Variants in EMCN observed in about 807,000 individuals in gnomAD.
EMCN encodes MUC-14.
A neutral mutation model predicts 38.4 loss-of-function variants in EMCN; 37 were observed. The observed-to-expected ratio is 0.96, with a 90% CI of 0.74 to 1.27. EMCN has a LOEUF of 1.27. Among genes scored for constraint, EMCN ranks in the 50% most tolerant of loss-of-function variants. The pLI is 0.00. For synonymous variants in EMCN, 95 were observed against 100.8 expected (o/e 0.94, Z 0.35); for missense variants, 318 against 302.8 (o/e 1.05, Z -0.37).
At chr4:100,416,592 G>A (rs540648572) in intron 9 of EMCN, among the ~76,000 whole-genome samples, 2 of 152,158 alleles carry the variant, frequency 1.3e-5, no homozygotes, top group South Asian at 2.1e-4. Flanking sequence ...CTTATATAAA[G>A]GTAGACCACA....
intron 1 of EMCN, among the ~76,000 whole-genome samples, chr4:100,512,367 G>T (rs1729648563): frequency 6.6e-6 from 1 of 152,054 alleles, no homozygotes; most frequent in South Asian, 2.1e-4. Context: ...GGTGTGCAAT[G>T]GTACAAAAAG....
intron 9 of EMCN, 143 bp from the exon 10 acceptor site, chr4:100,416,102 G>C: frequency 2.2e-6 from 1 of 451,830 alleles, no homozygotes; most frequent in Non-Finnish European, 3.9e-6. Context: ...GTGTGTGTGT[G>C]TGTATACATA....
At chr4:100,490,892 A>G (rs1729060250) in intron 1 of EMCN, among the ~76,000 whole-genome samples, 1 of 152,030 alleles carries the variant, frequency 6.6e-6, no homozygotes. Flanking sequence ...TTGTGATTTT[A>G]ATTTGCATTT....
intron 1 of EMCN, among the ~76,000 whole-genome samples, chr4:100,482,880 C>T (rs557482673): frequency 2.9e-4 from 44 of 152,214 alleles, no homozygotes; most frequent in African/African-American, 9.9e-4. Context: ...AATGAGTTCA[C>T]ATCCAAAAAA....
intron 5 of EMCN, among the ~76,000 whole-genome samples, chr4:100,440,909 C>A (rs568745715): frequency 1.3e-5 from 2 of 151,938 alleles, no homozygotes; most frequent in African/African-American, 4.8e-5. Context: ...CATGGTGAAA[C>A]CCCGTCTTGA....
chr4:100,494,260 G>A (rs1298433877), intron 1 of EMCN, among the ~76,000 whole-genome samples: 2 of 152,136 alleles, frequency 1.3e-5, no homozygotes, highest in Non-Finnish European at 2.9e-5. Context: ...ACTTGTGGTG[G>A]GTTAATTAAA....
chr4:100,477,461 A>C (rs1316711046), intron 2 of EMCN, among the ~76,000 whole-genome samples: 1 of 152,230 alleles, frequency 6.6e-6, no homozygotes, highest in Non-Finnish European at 1.5e-5. Context: ...GCCCTGCTCC[A>C]GGCGAAGCTC....
At chr4:100,467,887 T>G (rs554243859) in intron 3 of EMCN, among the ~76,000 whole-genome samples, 1 of 152,288 alleles carries the variant, frequency 6.6e-6, no homozygotes, top group Admixed American at 6.5e-5. Context: ...CAAAACAATA[T>G]GTACCTGCTG....
At chr4:100,516,804 G>T (rs1729770753) in intron 1 of EMCN, among the ~76,000 whole-genome samples, 2 of 152,052 alleles carry the variant, frequency 1.3e-5, no homozygotes, top group South Asian at 4.1e-4. Context: ...TTTGTAGGCA[G>T]TAATCTTTTA....
intron 11 of EMCN, among the ~76,000 whole-genome samples, chr4:100,404,968 T>G (rs1057165704): frequency 2.0e-5 from 3 of 152,106 alleles, no homozygotes; most frequent in African/African-American, 7.2e-5. Context: ...TTTATTCTTT[T>G]TGTGGCTCCT....
chr4:100,480,059 T>TA lies in EMCN; in HGVS notation c.65-21_65-20insT. The TA allele has an allele frequency of 1.2e-6, 2 of 1,600,074 alleles. No homozygotes were observed. On this transcript the variant is annotated intron_variant, in intron 1 of 11. Coordinates refer to ENST00000296420, the MANE Select transcript of EMCN (RefSeq NM_016242.4). Reference sequence around the variant, plus strand: ...AAACACCTGAAAAAAGTAAAGTAGTTGCATTAACATTTACATATAGTTTGC... The same window carrying TA: ...AAACACCTGAAAAAAGTAAAGTAGTTAGCATTAACATTTACATATAGTTTGC...
intron 1 of EMCN, among the ~76,000 whole-genome samples, chr4:100,490,497 G>A (rs1156932944): frequency 6.6e-6 from 1 of 152,098 alleles, no homozygotes; most frequent in Admixed American, 6.6e-5. Flanking sequence ...CTCACCCAGG[G>A]CAACTTCCAG....
In EMCN at chr4:100,465,482, G is replaced by C; in HGVS notation, c.317C>G (p.Thr106Arg). The change falls in exon 4 of 12, where the codon ACA (threonine) becomes AGA (arginine). Residue 106 changes from threonine to arginine, a missense_variant. By Grantham distance (71) the Thr-to-Arg change is moderately conservative. Coordinates refer to ENST00000296420, the MANE Select transcript of EMCN (RefSeq NM_016242.4). ...RKNDSIISNV[T>R]VTSVTLPNAV... Reference sequence around the variant, plus strand: ...ATTTGGAAGTGTAACACTTGTTACTGTTACGTTTGAAATGATGGAGTCATT... The same window carrying C: ...ATTTGGAAGTGTAACACTTGTTACTCTTACGTTTGAAATGATGGAGTCATT... 3 of 1,609,078 alleles carry C rather than the reference G, an allele frequency of 1.9e-6. No homozygotes were observed. Among genetic ancestry groups the C allele is most frequent in the Non-Finnish European group, 2.5e-6 (3 of 1,176,866 alleles).
chr4:100,404,756 C>T (rs755446559), intron 11 of EMCN, among the ~76,000 whole-genome samples: 18 of 151,978 alleles, frequency 1.2e-4, no homozygotes, highest in Non-Finnish European at 2.2e-4. Context: ...AAAAATGTCA[C>T]TGGTAGTTTG....
At chr4:100,482,389 C>T (rs1560634545) in intron 1 of EMCN, among the ~76,000 whole-genome samples, 1 of 151,990 alleles carries the variant, frequency 6.6e-6, no homozygotes. Context: ...AATTTGAAAG[C>T]TGCTGGACAA....
rs541077015 is a variant in EMCN at position 100,400,950 on chromosome 4, T to C, written c.*40-2577A>G. 1.7e-4 allele frequency among the ~76,000 whole-genome samples: 26 copies of C among 152,288 alleles called. No homozygotes were observed. In the South Asian group the frequency reaches 5.2e-3, roughly 30 times the overall value. On this transcript the variant is annotated intron_variant, in intron 11 of 11. Transcript: ENST00000296420. ...GGCTTCAATAATAATGGTATAGGAC[T>C]GAATAGTCACTGAATCTCTCACAAC... is the stretch of plus-strand genomic sequence containing the variant.
At chr4:100,439,115 T>C (rs1295794089) in intron 5 of EMCN, among the ~76,000 whole-genome samples, 1 of 152,108 alleles carries the variant, frequency 6.6e-6, no homozygotes, top group Non-Finnish European at 1.5e-5. Context: ...CAAGGTGATG[T>C]GGTCCTTATA....
chr4:100,471,777 A>G (rs930247197), intron 3 of EMCN, among the ~76,000 whole-genome samples: 1 of 152,062 alleles, frequency 6.6e-6, no homozygotes, highest in Non-Finnish European at 1.5e-5. Flanking sequence ...TTGACTCAAC[A>G]TATAGAAATC....
intron 5 of EMCN, among the ~76,000 whole-genome samples, chr4:100,439,794 TG>T (rs201217984): frequency 0.012 from 1,817 of 152,166 alleles, 19 homozygotes; most frequent in Non-Finnish European, 0.02. Flanking sequence ...GAACTGCTTT[TG>T]CTACATTTCA....
Sources: gnomAD v4.1 joint callset for allele counts (sites outside exome capture counted in the v4.1 genomes callset) on GRCh38, gnomAD v4.1.1 for gene constraint, MANE v1.5 for transcripts, NCBI Gene and HGNC (gene_info 2026-07-23, HGNC 2026-07-21) for gene names.